The following SIGLEC7 variants were observed in gnomAD, a reference collection of about 807,000 sequenced individuals.
SIGLEC7 encodes the protein sialic acid binding Ig like lectin 7.
In SIGLEC7, 33 loss-of-function variants were observed where a neutral mutation model predicts 40.8. That is an observed-to-expected ratio of 0.81 (90% confidence interval 0.61 to 1.08). SIGLEC7 has a LOEUF of 1.08. Among genes scored for constraint, SIGLEC7 ranks in the 50% least tolerant of loss-of-function variants. The pLI is 0.00. For synonymous variants in SIGLEC7, 242 were observed against 237.6 expected, an observed-to-expected ratio of 1.02 and a Z score of -0.17; for missense variants, 513 against 576.1, an observed-to-expected ratio of 0.89 and a Z score of 1.12.
chr19:51,150,280 G>A (rs969622505), intron 6 of SIGLEC7, among the ~76,000 whole-genome samples: 12 of 152,158 alleles, frequency 7.9e-5, no homozygotes, highest in Admixed American at 5.9e-4. Flanking sequence ...TTGGCTCTGC[G>A]TTCACCATAG....
chr19:51,142,335 G>A lies in SIGLEC7; in HGVS notation c.-35G>A, dbSNP rs374667858. ...GAGAGAAGAACCCTGAGGAACAGAC[G>A]TTCCCTCGCGGCCCTGGCACCTCCA... On this transcript the variant is annotated 5_prime_UTR_variant, in exon 1 of 7. Transcript: ENST00000317643. This position sits in a 1 kb window ranked among gnomAD's most constrained non-coding sequence, Gnocchi z 5.0. The A allele has an allele frequency of 5.8e-5, 92 of 1,598,882 alleles. No homozygotes were observed. Among genetic ancestry groups the A allele is most frequent in the Middle Eastern group, 1.7e-4 (1 of 6,022 alleles).
intron 5 of SIGLEC7, 140 bp from the exon 6 acceptor site, chr19:51,147,081 G>A: frequency 7.6e-7 from 1 of 1,308,808 alleles, no homozygotes; most frequent in Non-Finnish European, 1.1e-6. Context: ...TTTCAACACT[G>A]GGGTCTCTGG....
Position 51,153,292 on chromosome 19 carries a change from G to A in SIGLEC7, c.*47G>A, listed in dbSNP as rs2092157223. The A allele has an allele frequency of 7.1e-7, 1 of 1,412,212 alleles. No homozygotes were observed. The highest frequency in any genetic ancestry group is 9.4e-7 in the Non-Finnish European group (1 of 1,058,282). 87.5% of individuals were successfully genotyped at this position (1,412,212 alleles called of 1,614,324 possible). ...TGTTTGAGGGTTCACGACCCCTCCA[G>A]CAAAGGAGTCTGAGGCTGATTCCAG... On this transcript the variant is annotated 3_prime_UTR_variant, in exon 7 of 7. Transcript: ENST00000317643.
intron 6 of SIGLEC7, among the ~76,000 whole-genome samples, chr19:51,148,942 T>A (rs983892471): frequency 6.6e-6 from 1 of 152,258 alleles, no homozygotes; most frequent in African/African-American, 2.4e-5. Context: ...TGATCAGCGA[T>A]AATGAGCTTT....
chr19:51,151,732 G>T (rs768410653), intron 6 of SIGLEC7, among the ~76,000 whole-genome samples: 16 of 152,124 alleles, frequency 1.1e-4, no homozygotes, highest in African/African-American at 3.4e-4. Context: ...GGAAGGAGAA[G>T]ACTGCAAGGT....
intron 2 of SIGLEC7, 68 bp downstream of exon 2, chr19:51,144,752 G>T: frequency 6.3e-7 from 1 of 1,588,206 alleles, no homozygotes; most frequent in Non-Finnish European, 8.6e-7. Flanking sequence ...AGAGGATGGG[G>T]TCAGGGCTCG....
At chr19:51,149,497 G>A (rs181557870) in intron 6 of SIGLEC7, among the ~76,000 whole-genome samples, 12 of 152,094 alleles carry the variant, frequency 7.9e-5, no homozygotes, top group East Asian at 7.7e-4. Context: ...TCTCTATTCC[G>A]TTCCATTGGT....
rs377260083 is a variant in SIGLEC7 at position 51,145,982 on chromosome 19, C to T, written c.888C>T (p.Tyr296=). 113 of 1,614,108 alleles carry T rather than the reference C, an allele frequency of 7.0e-5. No individual in the cohort carries two copies. Among genetic ancestry groups the T allele is most frequent in the Middle Eastern group, 1.6e-4 (1 of 6,084 alleles). Residue 296 remains tyrosine, a synonymous_variant, in exon 4 of 7, where the codon TAC becomes TAT. Transcript: ENST00000317643. The surrounding 1 kb of genome is among the most constrained non-coding windows in gnomAD (Gnocchi z 4.3). ...LSWTWRSLTL[Y]PSQPSNPLVL... ...GGACCTGGAGGAGTCTGACCCTGTA[C>T]CCCTCACAGCCCTCAAACCCTCTGG...
rs747685526 is a variant in SIGLEC7 at position 51,144,969 on chromosome 19, A to T, written c.760+10A>T. 2.5e-6 allele frequency: 4 copies of T among 1,613,612 alleles called. No individual in the cohort carries two copies. In the South Asian group the frequency reaches 4.4e-5, roughly 18 times the overall value. On this transcript the variant is annotated intron_variant, in intron 3 of 6. Coordinates refer to ENST00000317643, the MANE Select transcript of SIGLEC7 (RefSeq NM_014385.4). ...CAAGGAGAAGGCACAGGTAGGATGG[A>T]GCCCCCTCCCTGGGGCTGGGGGAGC...
chr19:51,150,937 CAGA>C (rs993433991), intron 6 of SIGLEC7, among the ~76,000 whole-genome samples: 5 of 152,156 alleles, frequency 3.3e-5, no homozygotes, highest in Admixed American at 3.3e-4. Flanking sequence ...GAGTTTTGAG[CAGA>C]AGGACATGAT....
chr19:51,142,677 C>T lies in SIGLEC7; in HGVS notation c.308C>T (p.Thr103Ile), dbSNP rs778254443. Residue 103 changes from threonine (T) to isoleucine (I), a missense_variant, in exon 1 of 7, where the codon ACC (threonine) becomes ATC (isoleucine). Transcript: ENST00000317643. The surrounding 1 kb of genome is among the most constrained non-coding windows in gnomAD (Gnocchi z 5.0). ...TTCCACCTCCTTGGGGACCCACAGA[C>T]CAAAAATTGCACCCTGAGCATCAGA... ...DRFHLLGDPQ[T>I]KNCTLSIRDA... The T allele has an allele frequency of 1.2e-6, 2 of 1,614,112 alleles. No individual in the cohort carries two copies. The highest frequency in any genetic ancestry group is 1.1e-5 in the South Asian group (1 of 91,084).
chr19:51,149,053 T>C (rs1268241673), intron 6 of SIGLEC7, among the ~76,000 whole-genome samples: 1 of 152,254 alleles, frequency 6.6e-6, no homozygotes, highest in Non-Finnish European at 1.5e-5. Flanking sequence ...TCCTTATAGA[T>C]GCTGGATATT....
Position 51,145,834 on chromosome 19 carries a change from C to T in SIGLEC7, c.761-21C>T. On this transcript the variant is annotated intron_variant, in intron 3 of 6. Coordinates refer to ENST00000317643, the MANE Select transcript of SIGLEC7 (RefSeq NM_014385.4). The surrounding 1 kb of genome is among the most constrained non-coding windows in gnomAD (Gnocchi z 4.3). ...GTTTCAATCACTTTGTCTCTTTGAA[C>T]CTCCAACTTTTTCTCTACAGCATCC... 6.2e-7 allele frequency: 1 copy of T among 1,613,492 alleles called. No individual in the cohort carries two copies. Among genetic ancestry groups the T allele is most frequent in the Non-Finnish European group, 8.5e-7 (1 of 1,179,702 alleles).
At chr19:51,152,995 T>C (rs981584729) in intron 6 of SIGLEC7, 68 bp from the exon 7 acceptor site, 1 of 1,338,044 alleles carries the variant, frequency 7.5e-7, no homozygotes, top group African/African-American at 1.5e-5. Context: ...ATCAAACAAC[T>C]TGTGACTCTC....
intron 6 of SIGLEC7, among the ~76,000 whole-genome samples, chr19:51,147,532 A>G (rs1293993046): frequency 2.0e-5 from 3 of 151,944 alleles, no homozygotes; most frequent in Non-Finnish European, 4.4e-5. Flanking sequence ...AGGAGGAGTT[A>G]TCTCCTCTCT....
In SIGLEC7 at chr19:51,142,497, A is replaced by G; in HGVS notation, c.128A>G (p.His43Arg). ...ACCGTGCAAGAGGGCATGTGTGTCC[A>G]TGTGCGCTGCTCCTTCTCCTACCCA... The part of the protein sequence containing the change: ...SVTVQEGMCV[H>R]VRCSFSYPVD... Residue 43 changes from histidine to arginine, a missense_variant, in exon 1 of 7, where the codon CAT (histidine) becomes CGT (arginine). His to Arg is a conservative substitution (Grantham distance 29). Transcript: ENST00000317643. The surrounding 1 kb of genome is among the most constrained non-coding windows in gnomAD (Gnocchi z 5.0). 6.2e-7 allele frequency: 1 copy of G among 1,614,144 alleles called. No homozygotes were observed.
intron 6 of SIGLEC7, among the ~76,000 whole-genome samples, chr19:51,152,736 C>G (rs2092151944): frequency 6.6e-6 from 1 of 152,168 alleles, no homozygotes; most frequent in African/African-American, 2.4e-5. Flanking sequence ...GGACTCCAGG[C>G]TTTGGGGTCA....
chr19:51,144,012 C>T (rs2092088652), intron 1 of SIGLEC7: 1 of 524,264 alleles, frequency 1.9e-6, no homozygotes, highest in African/African-American at 1.9e-5. Flanking sequence ...CCAGTGGCCA[C>T]AAACATCCCA....
intron 5 of SIGLEC7, 172 bp from the exon 6 acceptor site, chr19:51,147,049 C>T: frequency 1.8e-6 from 2 of 1,131,198 alleles, no homozygotes; most frequent in Non-Finnish European, 1.3e-6. Flanking sequence ...GGCCCCACCA[C>T]CCAGGAGGCA....
Sources: allele counts gnomAD v4.1 joint callset (sites outside exome capture counted in the v4.1 genomes callset), GRCh38; gene constraint gnomAD v4.1.1; non-coding constraint Gnocchi (gnomAD v3.1); transcripts MANE v1.5; gene names NCBI Gene and HGNC (gene_info 2026-07-23, HGNC 2026-07-21).